Variants in SHISA6 observed in about 807,000 individuals in gnomAD.
The protein encoded by SHISA6 is protein shisa-6.
In SHISA6, 22 loss-of-function variants were observed where a neutral mutation model predicts 47.9. That is an observed-to-expected ratio of 0.46 (90% CI 0.33 to 0.66). The LOEUF is 0.66. SHISA6 is among the 30% of genes least tolerant of loss of function. The pLI is 0.02. For synonymous variants in SHISA6, 388 were observed against 337.8 expected, an observed-to-expected ratio of 1.15 and a Z score of -1.63; for missense variants, 680 against 764.6, an observed-to-expected ratio of 0.89 and a Z score of 1.30.
chr17:11,423,968 G>A (rs1914532047), intron 3 of SHISA6, among the ~76,000 whole-genome samples: 1 of 152,204 alleles, frequency 6.6e-6, no homozygotes, highest in African/African-American at 2.4e-5. Context: ...GAAAGAATTA[G>A]TAGGTCAGAA....
intron 1 of SHISA6, among the ~76,000 whole-genome samples, chr17:11,260,631 A>T (rs1189419116): frequency 6.7e-6 from 1 of 148,540 alleles, no homozygotes; most frequent in Non-Finnish European, 1.5e-5. Context: ...TGTCCCTCAG[A>T]CTCTGCCTCC....
At position 11,251,735 on chromosome 17, in the gene SHISA6, G is replaced by A. The variant is rs536049215; in HGVS notation, c.638+9675G>A. ...TTATTCCTTCCCTGTTTGTACCCTGGTGGCTGTGCTTCGTAATGACTCACG... is the reference window on the plus strand; with the variant it reads ...TTATTCCTTCCCTGTTTGTACCCTGATGGCTGTGCTTCGTAATGACTCACG... On this transcript the variant is annotated intron_variant, in intron 1 of 5. Coordinates refer to ENST00000441885, the MANE Select transcript of SHISA6 (RefSeq NM_207386.4). Among the ~76,000 whole-genome samples, 3 of 152,200 alleles carry A rather than the reference G, an allele frequency of 2.0e-5. No homozygotes were observed. The South Asian group carries it at 6.2e-4, about 32-fold the overall frequency.
intron 3 of SHISA6, among the ~76,000 whole-genome samples, chr17:11,382,927 CCTTTTT>C (rs1913063889): frequency 1.6e-5 from 2 of 128,336 alleles, no homozygotes; most frequent in African/African-American, 5.8e-5. Context: ...GTCCTGTCAG[CCTTTTT>C]TTTTTTTTTT....
chr17:11,265,904 G>T (rs1319274497), intron 2 of SHISA6, among the ~76,000 whole-genome samples: 2 of 152,124 alleles, frequency 1.3e-5, no homozygotes, highest in Non-Finnish European at 2.9e-5. Context: ...AAAGCTTCCA[G>T]TTACATGATT....
intron 3 of SHISA6, among the ~76,000 whole-genome samples, chr17:11,455,653 G>T (rs1915514414): frequency 6.6e-6 from 1 of 152,132 alleles, no homozygotes; most frequent in Non-Finnish European, 1.5e-5. Context: ...CAGGAGTAAA[G>T]GTTCTCACCC....
At chr17:11,285,795 C>A (rs1909273986) in intron 2 of SHISA6, among the ~76,000 whole-genome samples, 1 of 150,462 alleles carries the variant, frequency 6.6e-6, no homozygotes, top group African/African-American at 2.4e-5. Flanking sequence ...GAATGAGAGG[C>A]AGGGTGGTGC....
In SHISA6 at chr17:11,558,298, C is replaced by A; in HGVS notation, c.1650C>A (p.Thr550=). ...TCYTASKTEV[T]V ...ACACAGCCAGCAAGACCGAAGTGAC[C>A]GTGTGACCGGCGGGGCAGGGCCGGG... Residue 550 remains threonine, a synonymous_variant, in exon 6 of 6, where the codon ACC becomes ACA. Transcript: ENST00000441885. The A allele has an allele frequency of 2.6e-6, 4 of 1,537,686 alleles. No individual in the cohort carries two copies. The highest frequency in any genetic ancestry group is 3.5e-6 in the Non-Finnish European group (4 of 1,146,334).
intron 3 of SHISA6, among the ~76,000 whole-genome samples, chr17:11,434,117 G>A (rs1914869410): frequency 6.7e-6 from 1 of 148,502 alleles, no homozygotes; most frequent in Non-Finnish European, 1.5e-5. Flanking sequence ...AGGCCAGAGT[G>A]CAGTAGCACA....
intron 3 of SHISA6, among the ~76,000 whole-genome samples, chr17:11,437,515 T>A (rs543899631): frequency 6.6e-6 from 1 of 152,348 alleles, no homozygotes; most frequent in African/African-American, 2.4e-5. Flanking sequence ...ACACATTTTC[T>A]TTGCTCTTTA....
chr17:11,315,124 C>T (rs933662869), intron 2 of SHISA6, among the ~76,000 whole-genome samples: 6 of 152,118 alleles, frequency 3.9e-5, no homozygotes, highest in African/African-American at 1.4e-4. Flanking sequence ...TTCAGACTTT[C>T]CTTCTTGTCC....
intron 3 of SHISA6, among the ~76,000 whole-genome samples, chr17:11,497,483 T>C (rs1419461615): frequency 1.3e-5 from 2 of 152,142 alleles, no homozygotes; most frequent in Non-Finnish European, 2.9e-5. Context: ...GCATCAGTCA[T>C]GGGGTCTGAG....
chr17:11,493,583 A>ACG (rs2071384298), intron 3 of SHISA6, among the ~76,000 whole-genome samples: 6 of 151,310 alleles, frequency 4.0e-5, no homozygotes, highest in East Asian at 1.9e-4. Context: ...GTGCGCGCGC[A>ACG]CACACACACA....
At chr17:11,455,105 C>T (rs959287043) in intron 3 of SHISA6, among the ~76,000 whole-genome samples, 1 of 151,960 alleles carries the variant, frequency 6.6e-6, no homozygotes, top group African/African-American at 2.4e-5. Flanking sequence ...GGAGGTGGAG[C>T]TTGCAGTGAG....
chr17:11,339,998 T>C (rs961310598), intron 2 of SHISA6, among the ~76,000 whole-genome samples: 1 of 152,212 alleles, frequency 6.6e-6, no homozygotes, highest in Non-Finnish European at 1.5e-5. Flanking sequence ...AACCACTTGT[T>C]AAAAGCTAAT....
At chr17:11,412,580 C>T (rs766773077) in intron 3 of SHISA6, among the ~76,000 whole-genome samples, 20 of 151,526 alleles carry the variant, frequency 1.3e-4, no homozygotes, top group East Asian at 7.8e-4. Context: ...CTCACTCTGT[C>T]GCTCAGGCTG....
At chr17:11,339,883 T>G (rs1911464991) in intron 2 of SHISA6, among the ~76,000 whole-genome samples, 3 of 152,160 alleles carry the variant, frequency 2.0e-5, no homozygotes, top group African/African-American at 7.2e-5. Flanking sequence ...GACTCTCGAA[T>G]AGAAGCTCAG....
At chr17:11,455,664 C>T (rs2969237) in intron 3 of SHISA6, among the ~76,000 whole-genome samples, 13,868 of 152,124 alleles carry the variant, frequency 0.091, 949 homozygotes, top group African/African-American at 0.18. Context: ...GTTCTCACCC[C>T]GCTGAGCATT....
intron 3 of SHISA6, 170 bp downstream of exon 3, chr17:11,379,679 G>A: frequency 2.0e-6 from 1 of 499,288 alleles, no homozygotes; most frequent in Non-Finnish European, 3.5e-6. Context: ...AGTTACTGGA[G>A]GTCACAGGTG....
At chr17:11,306,538 G>A (rs1476736141) in intron 2 of SHISA6, among the ~76,000 whole-genome samples, 2 of 152,126 alleles carry the variant, frequency 1.3e-5, no homozygotes, top group African/African-American at 2.4e-5. Flanking sequence ...ATTCATCCTT[G>A]GGGTCTTCGT....
Sources: allele counts gnomAD v4.1 joint callset (sites outside exome capture counted in the v4.1 genomes callset), GRCh38; gene constraint gnomAD v4.1.1; transcripts MANE v1.5; gene names NCBI Gene and HGNC (gene_info 2026-07-23, HGNC 2026-07-21).